The following GABRG3 variants were observed in gnomAD, a reference collection of about 807,000 sequenced individuals.
The protein encoded by GABRG3 is gamma-aminobutyric acid type A receptor subunit gamma3, also known as gamma-aminobutyric acid receptor subunit gamma-3.
A neutral mutation model predicts 48.8 loss-of-function variants in GABRG3; 25 were observed. That is an observed-to-expected ratio of 0.51 (90% CI 0.37 to 0.72). GABRG3 has a LOEUF of 0.72. Among genes scored for constraint, GABRG3 ranks in the 30% least tolerant of loss-of-function variants. The probability of loss-of-function intolerance (pLI) is 0.00; values close to 1 mark genes in which losing one functional copy is unlikely to be tolerated. For synonymous variants in GABRG3, 227 were observed against 217.6 expected, an observed-to-expected ratio of 1.04 and a Z score of -0.38; for missense variants, 394 against 577.9, an observed-to-expected ratio of 0.68 and a Z score of 3.26.
chr15:26,979,825 T>G (rs1278083793), intron 2 of GABRG3, among the ~76,000 whole-genome samples: 11 of 152,222 alleles, frequency 7.2e-5, no homozygotes, highest in Non-Finnish European at 1.5e-4. Context: ...AAGGGACTAT[T>G]TTTTTGAGTC....
chr15:27,462,708 C>T (rs916854342), intron 5 of GABRG3, among the ~76,000 whole-genome samples: 5 of 151,954 alleles, frequency 3.3e-5, no homozygotes, highest in African/African-American at 1.2e-4. Context: ...CATGGCATAC[C>T]ACAATTTAGT....
At chr15:27,330,298 G>C (rs1893760771) in intron 5 of GABRG3, among the ~76,000 whole-genome samples, 1 of 152,170 alleles carries the variant, frequency 6.6e-6, no homozygotes. Flanking sequence ...CAAATCTGAT[G>C]AAATCTCATG....
chr15:27,263,875 G>C (rs913782300), intron 3 of GABRG3, among the ~76,000 whole-genome samples: 1 of 150,842 alleles, frequency 6.6e-6, no homozygotes, highest in Non-Finnish European at 1.5e-5. Flanking sequence ...GTAGTGAGCC[G>C]AGATCGCGCC....
chr15:26,993,301 T>C (rs1038614328), intron 2 of GABRG3, among the ~76,000 whole-genome samples: 2 of 152,090 alleles, frequency 1.3e-5, no homozygotes, highest in Non-Finnish European at 2.9e-5. Flanking sequence ...CATCACTAGG[T>C]TACGTATTTG....
intron 2 of GABRG3, among the ~76,000 whole-genome samples, chr15:27,004,103 G>A (rs1895527335): frequency 6.6e-6 from 1 of 150,410 alleles, no homozygotes; most frequent in Non-Finnish European, 1.5e-5. Flanking sequence ...CCTCCCGGAC[G>A]GGGCGGCTGG....
At chr15:27,282,500 CA>C (rs1310338028) in intron 3 of GABRG3, among the ~76,000 whole-genome samples, 1 of 152,136 alleles carries the variant, frequency 6.6e-6, no homozygotes, top group African/African-American at 2.4e-5. Context: ...CTATTAAGCC[CA>C]TTTAGTAAGG....
intron 6 of GABRG3, among the ~76,000 whole-genome samples, chr15:27,489,300 C>T (rs1034205997): frequency 3.9e-5 from 6 of 152,088 alleles, no homozygotes; most frequent in Non-Finnish European, 8.8e-5. Flanking sequence ...TGGGTTGGTT[C>T]CAAGTCTTTG....
chr15:27,335,256 G>A (rs532719238), intron 5 of GABRG3, among the ~76,000 whole-genome samples: 3 of 145,914 alleles, frequency 2.1e-5, no homozygotes, highest in Non-Finnish European at 4.4e-5. Flanking sequence ...TATATTCCTA[G>A]AAGTGGAATT....
At chr15:27,112,702 A>G (rs1160893326) in intron 3 of GABRG3, among the ~76,000 whole-genome samples, 1 of 152,122 alleles carries the variant, frequency 6.6e-6, no homozygotes, top group African/African-American at 2.4e-5. Context: ...GGCCTCCCAA[A>G]GTGCTGGAAT....
chr15:27,069,469 G>C (rs1595505047), intron 3 of GABRG3, among the ~76,000 whole-genome samples: 1 of 152,196 alleles, frequency 6.6e-6, no homozygotes, highest in Non-Finnish European at 1.5e-5. Context: ...CCGTGTATCA[G>C]GTAACTGTAC....
chr15:27,077,983 T>C (rs1345367065), intron 3 of GABRG3, among the ~76,000 whole-genome samples: 1 of 152,200 alleles, frequency 6.6e-6, no homozygotes, highest in Non-Finnish European at 1.5e-5. Flanking sequence ...TTCTGAAATA[T>C]GTGCCATGTT....
chr15:27,468,974 T>C (rs7171544), intron 5 of GABRG3, among the ~76,000 whole-genome samples: 3,734 of 152,286 alleles, frequency 0.025, 161 homozygotes, highest in African/African-American at 0.086. Flanking sequence ...AAATTCTTAG[T>C]TGAGCTGAAT....
intron 6 of GABRG3, among the ~76,000 whole-genome samples, chr15:27,505,595 CATTG>C (rs748606881): frequency 2.6e-5 from 4 of 152,020 alleles, no homozygotes; most frequent in Non-Finnish European, 4.4e-5. Flanking sequence ...TGTTGAGTTA[CATTG>C]ATTGATTTTT....
intron 3 of GABRG3, among the ~76,000 whole-genome samples, chr15:27,039,081 G>A (rs1896229762): frequency 6.6e-6 from 1 of 152,344 alleles, no homozygotes; most frequent in Non-Finnish European, 1.5e-5. Context: ...GGCACTGATG[G>A]CCAAGGAGCA....
chr15:27,131,899 A>C (rs1267691986), intron 3 of GABRG3, among the ~76,000 whole-genome samples: 1 of 151,986 alleles, frequency 6.6e-6, no homozygotes, highest in Non-Finnish European at 1.5e-5. Flanking sequence ...TGAGCATTTT[A>C]AAAATATATA....
At chr15:26,978,644 G>A in intron 2 of GABRG3, among the ~76,000 whole-genome samples, 1 of 152,118 alleles carries the variant, frequency 6.6e-6, no homozygotes, top group African/African-American at 2.4e-5. Flanking sequence ...CTTGACTGGT[G>A]TGGGTTATTT....
At chr15:27,307,519 A>G in intron 3 of GABRG3, among the ~76,000 whole-genome samples, 2 of 99,888 alleles carry the variant, frequency 2.0e-5, no homozygotes, top group East Asian at 5.0e-4. Flanking sequence ...ACATAGGTTT[A>G]TAGGTTTATA....
chr15:27,401,568 A>G (rs1887475787), intron 5 of GABRG3, among the ~76,000 whole-genome samples: 1 of 152,110 alleles, frequency 6.6e-6, no homozygotes, highest in African/African-American at 2.4e-5. Context: ...TCTTGCAGTT[A>G]TTTCGCTCTC....
At chr15:27,333,450 G>A (rs888387269) in intron 5 of GABRG3, among the ~76,000 whole-genome samples, 43 of 152,108 alleles carry the variant, frequency 2.8e-4, no homozygotes, top group African/African-American at 9.9e-4. Context: ...GCCAAAAACA[G>A]CACCTCTCTC....
Sources: allele counts gnomAD v4.1 joint callset (sites outside exome capture counted in the v4.1 genomes callset), GRCh38; gene constraint gnomAD v4.1.1; transcripts MANE v1.5; gene names NCBI Gene and HGNC (gene_info 2026-07-23, HGNC 2026-07-21).